The following ADAM18 variants were observed in gnomAD, a reference collection of about 807,000 sequenced individuals.
The protein encoded by ADAM18 is ADAM metallopeptidase domain 18.
ADAM18 carries 117 observed loss-of-function variants against 94.4 expected under a neutral mutation model. That is an observed-to-expected ratio of 1.24 (90% CI 1.07 to 1.45). The LOEUF is 1.45. ADAM18 is among the 40% of genes most tolerant of loss of function. The pLI is 0.00. For synonymous variants in ADAM18, 327 were observed against 291.6 expected (o/e 1.12, Z -1.24); for missense variants, 936 against 880.0 (o/e 1.06, Z -0.81).
chr8:39,726,681 G>T (rs1303345578), intron 19 of ADAM18, among the ~76,000 whole-genome samples: 4 of 152,228 alleles, frequency 2.6e-5, no homozygotes, highest in Admixed American at 1.3e-4. Flanking sequence ...TATAGTTTCA[G>T]GTAAGGATTA....
At chr8:39,684,538 T>C (rs1352389992) in intron 16 of ADAM18, among the ~76,000 whole-genome samples, 1 of 151,986 alleles carries the variant, frequency 6.6e-6, no homozygotes, top group African/African-American at 2.4e-5. Context: ...CTCTCACAGG[T>C]TGGAATTGTG....
At chr8:39,668,347 G>A in intron 14 of ADAM18, 151 bp downstream of exon 14, 1 of 708,884 alleles carries the variant, frequency 1.4e-6, no homozygotes, top group Non-Finnish European at 2.2e-6. Context: ...TTTTTTAAGA[G>A]TATCTGAGGT....
intron 7 of ADAM18, 112 bp from the exon 8 acceptor site, chr8:39,637,152 T>C (rs1258995799): frequency 1.4e-6 from 1 of 724,370 alleles, no homozygotes; most frequent in Non-Finnish European, 2.1e-6. Context: ...TTCTCCTATG[T>C]ACTTTAAAAC....
intron 10 of ADAM18, among the ~76,000 whole-genome samples, chr8:39,642,161 T>G (rs867716627): frequency 3.9e-5 from 6 of 152,180 alleles, no homozygotes; most frequent in Admixed American, 6.6e-5. Flanking sequence ...TGCTAGATAT[T>G]AAACCTTTGT....
chr8:39,678,283 G>A (rs1821350566), intron 15 of ADAM18, among the ~76,000 whole-genome samples: 1 of 152,202 alleles, frequency 6.6e-6, no homozygotes, highest in Non-Finnish European at 1.5e-5. Flanking sequence ...ACCACTATCA[G>A]TATTGTTCAA....
chr8:39,618,140 A>G (rs1435695878), intron 6 of ADAM18, among the ~76,000 whole-genome samples: 1 of 152,208 alleles, frequency 6.6e-6, no homozygotes, highest in African/African-American at 2.4e-5. Context: ...ATAAATTAGT[A>G]TTGTGGGATC....
At chr8:39,729,861 T>G (rs766169010) in intron 19 of ADAM18, 37 bp from the exon 20 acceptor site, 1 of 1,578,826 alleles carries the variant, frequency 6.3e-7, no homozygotes, top group Non-Finnish European at 8.7e-7. Context: ...CTAAACATAT[T>G]GTGAATTTCT....
At chr8:39,613,459 G>T (rs963002500) in intron 6 of ADAM18, among the ~76,000 whole-genome samples, 7 of 152,058 alleles carry the variant, frequency 4.6e-5, no homozygotes, top group Non-Finnish European at 1.0e-4. Flanking sequence ...AAGCATCAAA[G>T]AATATAAAAG....
chr8:39,637,476 A>C, intron 8 of ADAM18, 61 bp from the exon 9 acceptor site: 2 of 1,449,226 alleles, frequency 1.4e-6, no homozygotes, highest in Non-Finnish European at 1.9e-6. Flanking sequence ...TTATTTTTTA[A>C]TGTACCTTTT....
intron 7 of ADAM18, among the ~76,000 whole-genome samples, chr8:39,633,446 C>T (rs960154319): frequency 6.6e-5 from 10 of 152,080 alleles, no homozygotes; most frequent in Non-Finnish European, 1.2e-4. Context: ...TGGTTATGAA[C>T]AGTTTTTAGA....
intron 6 of ADAM18, among the ~76,000 whole-genome samples, chr8:39,620,374 AC>A (rs66652387): frequency 0.36 from 35,364 of 97,192 alleles, 5,393 homozygotes; most frequent in East Asian, 0.55. Context: ...AAAAAAAAAA[AC>A]AAAAAAAAAT....
chr8:39,729,549 C>G (rs1380647352), intron 19 of ADAM18, among the ~76,000 whole-genome samples: 1 of 151,986 alleles, frequency 6.6e-6, no homozygotes, highest in Non-Finnish European at 1.5e-5. Flanking sequence ...GTGTATAAAA[C>G]TGAATAAATG....
At chr8:39,662,280 A>T (rs971246228) in intron 12 of ADAM18, among the ~76,000 whole-genome samples, 9 of 152,180 alleles carry the variant, frequency 5.9e-5, no homozygotes, top group African/African-American at 2.2e-4. Context: ...GCATTATTTA[A>T]CTTTGGAAGG....
rs1211285772 is a variant in ADAM18, at chr8:39,706,776, T to C, written c.1903-14T>C. On this transcript the variant is annotated splice_polypyrimidine_tract_variant and intron_variant, in intron 17 of 19. Transcript: ENST00000265707. Reference sequence around the variant, plus strand: ...TAAGACGACTCAAACTGTTTCTGTATTTTTCTGTTTCAGATATGTAATAAT... The same window carrying C: ...TAAGACGACTCAAACTGTTTCTGTACTTTTCTGTTTCAGATATGTAATAAT... 1 of 1,465,418 alleles carries C rather than the reference T, an allele frequency of 6.8e-7. No homozygotes were observed. The highest frequency in any genetic ancestry group is 9.5e-7 in the Non-Finnish European group (1 of 1,048,352). 90.8% of individuals were successfully genotyped at this position (1,465,418 alleles called of 1,614,324 possible).
chr8:39,691,000 C>A (rs1352071505), intron 16 of ADAM18, among the ~76,000 whole-genome samples: 1 of 152,024 alleles, frequency 6.6e-6, no homozygotes, highest in East Asian at 1.9e-4. Context: ...AAAATGTACA[C>A]CATGGAATAC....
At chr8:39,686,453 T>A (rs1821607505) in intron 16 of ADAM18, among the ~76,000 whole-genome samples, 1 of 152,184 alleles carries the variant, frequency 6.6e-6, no homozygotes, top group South Asian at 2.1e-4. Flanking sequence ...CAAGCTCCAT[T>A]GAACCTCTTT....
chr8:39,674,300 G>A (rs759256631), intron 14 of ADAM18, among the ~76,000 whole-genome samples: 4 of 152,090 alleles, frequency 2.6e-5, no homozygotes, highest in Non-Finnish European at 4.4e-5. Flanking sequence ...TATGAATCTG[G>A]GTGCTCCTGT....
At chr8:39,597,442 A>G (rs912467602) in intron 2 of ADAM18, among the ~76,000 whole-genome samples, 3 of 152,094 alleles carry the variant, frequency 2.0e-5, no homozygotes, top group African/African-American at 4.8e-5. Flanking sequence ...TTTTAAGTCA[A>G]TTTTGGTGAA....
chr8:39,586,788 CT>C lies in ADAM18; in HGVS notation c.132+1437del, dbSNP rs1415552367. Among the ~76,000 whole-genome samples, 8 of 135,774 alleles carry C rather than the reference CT, an allele frequency of 5.9e-5. No individual in the cohort carries two copies. The South Asian group carries it at 1.2e-3, about 20-fold the overall frequency. The allele number at this position is 135,774 out of a possible 152,430, so 89.1% of individuals were successfully genotyped here. A position where few individuals can be genotyped will look rare whatever the true frequency, so the allele number is the denominator to read the frequency against. The stretch of plus-strand genomic sequence containing the variant: ...TCTATCTATCTATCTATCTATCTAT[CT>C]ATCTATCTATCTATATCTATCTATC... On this transcript the variant is annotated intron_variant, in intron 2 of 19. Coordinates refer to ENST00000265707, the MANE Select transcript of ADAM18 (RefSeq NM_014237.3).
Sources: gnomAD v4.1 joint callset for allele counts (sites outside exome capture counted in the v4.1 genomes callset) on GRCh38, gnomAD v4.1.1 for gene constraint, MANE v1.5 for transcripts, NCBI Gene and HGNC (gene_info 2026-07-23, HGNC 2026-07-21) for gene names.